Variants in AGMO observed in about 807,000 individuals in gnomAD.
AGMO encodes the protein alkylglycerol monooxygenase, also known as glyceryl-ether monooxygenase.
A neutral mutation model predicts 60.2 loss-of-function variants in AGMO; 75 were observed. The ratio of observed to expected loss-of-function variants is 1.25; its 90% CI spans 1.03 to 1.51. The LOEUF (loss-of-function observed/expected upper bound fraction) is 1.51. Among genes scored for constraint, AGMO ranks in the 40% most tolerant of loss-of-function variants. AGMO has a pLI of 0.00. For synonymous variants in AGMO, 261 were observed against 177.1 expected, an observed-to-expected ratio of 1.47 and a Z score of -3.76; for missense variants, 763 against 525.5, an observed-to-expected ratio of 1.45 and a Z score of -4.42.
At chr7:15,306,230 C>T (rs1183771670) in intron 12 of AGMO, 1 of 237,832 alleles carries the variant, frequency 4.2e-6, no homozygotes, top group Non-Finnish European at 8.4e-6. Context: ...TCATTAAATG[C>T]AACGTTTTGA....
intron 3 of AGMO, among the ~76,000 whole-genome samples, chr7:15,492,231 G>A (rs1337311971): frequency 6.6e-6 from 1 of 151,940 alleles, no homozygotes; most frequent in Non-Finnish European, 1.5e-5. Flanking sequence ...GTGGCTTTTT[G>A]TGCCACCTAC....
intron 12 of AGMO, among the ~76,000 whole-genome samples, chr7:15,288,472 TTTA>T (rs1340453879): frequency 1.3e-5 from 2 of 152,104 alleles, no homozygotes; most frequent in African/African-American, 4.8e-5. Flanking sequence ...AAATGAATCT[TTTA>T]TTTTTTGTTT....
At chr7:15,434,516 C>T (rs1407721001) in intron 3 of AGMO, among the ~76,000 whole-genome samples, 4 of 152,088 alleles carry the variant, frequency 2.6e-5, no homozygotes, top group Non-Finnish European at 5.9e-5. Flanking sequence ...TTATGAGCTC[C>T]CTTTGAAGAA....
the AGMO span, among the ~76,000 whole-genome samples, chr7:15,186,469 AG>A: frequency 6.6e-6 from 1 of 152,154 alleles, no homozygotes; most frequent in Non-Finnish European, 1.5e-5. Flanking sequence ...GGAGGCCTGT[AG>A]CTCCTAGTCT....
At chr7:15,364,263 T>G (rs1446162553) in intron 12 of AGMO, among the ~76,000 whole-genome samples, 6 of 151,976 alleles carry the variant, frequency 3.9e-5, no homozygotes, top group Admixed American at 1.3e-4. Context: ...ACAAGCAACA[T>G]GTTAGGTTTT....
chr7:15,359,277 A>G (rs1422852808), intron 12 of AGMO, among the ~76,000 whole-genome samples: 1 of 143,418 alleles, frequency 7.0e-6, no homozygotes, highest in Non-Finnish European at 1.5e-5. Flanking sequence ...CAACAGAGCA[A>G]GACTCCGTCT....
intron 12 of AGMO, among the ~76,000 whole-genome samples, chr7:15,356,391 A>AAAAATGTATTTT (rs1782529705): frequency 6.6e-6 from 1 of 152,210 alleles, no homozygotes; most frequent in Non-Finnish European, 1.5e-5. Context: ...AATACATTTT[A>AAAAATGTATTTT]AAAATAAACA....
intron 4 of AGMO, among the ~76,000 whole-genome samples, chr7:15,424,434 T>A (rs1312865454): frequency 3.9e-5 from 6 of 152,208 alleles, no homozygotes; most frequent in Non-Finnish European, 1.5e-5. Flanking sequence ...CAATGCAACT[T>A]TAGAGAGAAC....
downstream of AGMO, among the ~76,000 whole-genome samples, chr7:15,198,253 G>GAGAGAGAC (rs1781184227): frequency 1.6e-5 from 1 of 63,422 alleles, no homozygotes; most frequent in Non-Finnish European, 2.8e-5. Flanking sequence ...GAGAGAGAGA[G>GAGAGAGAC]AGACAGAGAC....
At chr7:15,500,195 T>C (rs1194377793) in intron 3 of AGMO, among the ~76,000 whole-genome samples, 2 of 152,002 alleles carry the variant, frequency 1.3e-5, no homozygotes, top group East Asian at 3.9e-4. Context: ...CTTAACTGAA[T>C]ACCATGTTAA....
chr7:15,385,543 G>A lies in AGMO; in HGVS notation c.977C>T (p.Pro326Leu), dbSNP rs140207104. 115 of 1,610,768 alleles carry A rather than the reference G, an allele frequency of 7.1e-5. No homozygotes were observed. The African/African-American group carries it at 1.5e-3, about 21-fold the overall frequency. ...EIPEVTGKEV[P>L]FSSSSSQLLK... ...TAGCTGAGATGAAGATGATGAGAAGGGAACTTCTTTGCCGGTGACCTAGGG... is the reference window on the plus strand; with the variant it reads ...TAGCTGAGATGAAGATGATGAGAAGAGAACTTCTTTGCCGGTGACCTAGGG... The change falls in exon 10 of 13, where the codon CCC becomes CTC. Residue 326 changes from proline to leucine, a missense_variant. By Grantham distance (98) the Pro-to-Leu change is moderately conservative (BLOSUM62 -3). Transcript: ENST00000342526.
intron 3 of AGMO, among the ~76,000 whole-genome samples, chr7:15,432,357 TATATACACACAC>T (rs1781274329): frequency 9.7e-6 from 1 of 102,880 alleles, no homozygotes; most frequent in Non-Finnish European, 2.2e-5. Flanking sequence ...CATACATATA[TATATACACACAC>T]ATATATATAT....
chr7:15,428,983 T>C (rs75316188), intron 4 of AGMO, among the ~76,000 whole-genome samples: 3 of 152,026 alleles, frequency 2.0e-5, no homozygotes, highest in African/African-American at 7.2e-5. Flanking sequence ...GAAGGGAGGA[T>C]GAACAGTACC....
intron 3 of AGMO, among the ~76,000 whole-genome samples, chr7:15,435,827 G>A (rs1781383382): frequency 6.6e-6 from 1 of 152,132 alleles, no homozygotes; most frequent in Admixed American, 6.5e-5. Flanking sequence ...TATCCAGAAT[G>A]TAACCCTCCT....
intron 12 of AGMO, among the ~76,000 whole-genome samples, chr7:15,254,744 GA>G (rs770043498): frequency 5.4e-5 from 8 of 147,896 alleles, no homozygotes; most frequent in Non-Finnish European, 7.5e-5. Flanking sequence ...TAACCAGCCT[GA>G]AAAAAAAAGA....
the AGMO span, among the ~76,000 whole-genome samples, chr7:15,185,243 T>C: frequency 1.3e-5 from 2 of 152,162 alleles, no homozygotes; most frequent in South Asian, 4.1e-4. Context: ...ACTAATTTGA[T>C]CATACTGTCT....
At chr7:15,444,529 G>T (rs1231789217) in intron 3 of AGMO, among the ~76,000 whole-genome samples, 1 of 152,142 alleles carries the variant, frequency 6.6e-6, no homozygotes, top group Non-Finnish European at 1.5e-5. Context: ...CGTTGTATTT[G>T]AACTTTCTAA....
chr7:15,228,294 C>T (rs1370863386), intron 12 of AGMO, among the ~76,000 whole-genome samples: 1 of 152,042 alleles, frequency 6.6e-6, no homozygotes, highest in African/African-American at 2.4e-5. Context: ...GAGTTGAAGG[C>T]TTTCCAAACG....
intron 3 of AGMO, among the ~76,000 whole-genome samples, chr7:15,542,327 T>A (rs1489760250): frequency 6.6e-6 from 1 of 152,174 alleles, no homozygotes; most frequent in Non-Finnish European, 1.5e-5. Flanking sequence ...ATGCCTGCCT[T>A]TTTTACTGGA....
Sources: gnomAD v4.1 joint callset for allele counts (sites outside exome capture counted in the v4.1 genomes callset) on GRCh38, gnomAD v4.1.1 for gene constraint, MANE v1.5 for transcripts, NCBI Gene and HGNC (gene_info 2026-07-23, HGNC 2026-07-21) for gene names.